The following OTOA variants were observed in gnomAD, a reference collection of about 807,000 sequenced individuals.
OTOA encodes cancer/testis antigen 108.
OTOA carries 70 observed loss-of-function variants against 110.8 expected under a neutral mutation model. The observed-to-expected ratio is 0.63, with a 90% CI of 0.52 to 0.77. OTOA has a LOEUF of 0.77. Among genes scored for constraint, OTOA ranks in the 30% least tolerant of loss-of-function variants. The pLI is 0.00. For missense variants in OTOA, 917 were observed against 1,075.8 expected, an observed-to-expected ratio of 0.85 and a Z score of 2.06; for synonymous variants, 373 against 431.5, an observed-to-expected ratio of 0.86 and a Z score of 1.68.
In OTOA at chr16:21,723,098, G is replaced by A. The variant is rs1330962387; in HGVS notation, c.1880+120G>A. On this transcript the variant is annotated intron_variant, in intron 18 of 28. Coordinates refer to ENST00000646100, the MANE Select transcript of OTOA (RefSeq NM_144672.4). ...AGGAACCAGAGGCAGAGTGGAGGAT[G>A]CCTTAGAGAGTTAAGCCCTTGAGAT... The A allele has an allele frequency of 7.4e-6, 7 of 940,804 alleles. No individual in the cohort carries two copies. The African/African-American group carries it at 9.7e-5, about 13-fold the overall frequency. 58.3% of individuals were successfully genotyped at this position (940,804 alleles called of 1,614,324 possible). A position where few individuals can be genotyped will look rare whatever the true frequency, so the allele number is the denominator to read the frequency against.
intron 22 of OTOA, among the ~76,000 whole-genome samples, chr16:21,736,748 T>G (rs1899314389): frequency 6.6e-6 from 1 of 152,144 alleles, no homozygotes; most frequent in South Asian, 2.1e-4. Context: ...CGAGGATTGC[T>G]TGAACCCAGG....
At chr16:21,708,032 C>G (rs918101195) in intron 12 of OTOA, among the ~76,000 whole-genome samples, 1 of 151,900 alleles carries the variant, frequency 6.6e-6, no homozygotes, top group Non-Finnish European at 1.5e-5. Flanking sequence ...ACCTCGTGAT[C>G]CGCCTGCCAT....
intron 22 of OTOA, among the ~76,000 whole-genome samples, chr16:21,739,008 CTG>C (rs1343856289): frequency 6.6e-6 from 1 of 152,302 alleles, no homozygotes; most frequent in African/African-American, 2.4e-5. Context: ...AGAGCTCTTA[CTG>C]TGTGCATGTG....
At chr16:21,670,119 C>T (rs1304518337) in intron 1 of OTOA, among the ~76,000 whole-genome samples, 1 of 151,400 alleles carries the variant, frequency 6.6e-6, no homozygotes, top group African/African-American at 2.4e-5. Context: ...GAGTGAGACA[C>T]CATCTCAAAC....
chr16:21,724,149 T>C (rs1317084945), intron 18 of OTOA, among the ~76,000 whole-genome samples: 1 of 152,194 alleles, frequency 6.6e-6, no homozygotes, highest in African/African-American at 2.4e-5. Context: ...TTGAATCTGG[T>C]TCTTGAACAG....
intron 17 of OTOA, 71 bp from the exon 18 acceptor site, chr16:21,722,834 G>A: frequency 7.4e-7 from 1 of 1,358,170 alleles, no homozygotes; most frequent in African/African-American, 1.4e-5. Context: ...AATAGTACCT[G>A]GCACATGGAA....
At chr16:21,698,018 T>A in intron 10 of OTOA, 143 bp downstream of exon 10, 1 of 706,082 alleles carries the variant, frequency 1.4e-6, no homozygotes, top group South Asian at 1.6e-5. Flanking sequence ...CTTGGGCCTC[T>A]GAAGAAAACT....
chr16:21,733,495 T>C (rs932143589), intron 21 of OTOA, among the ~76,000 whole-genome samples: 2 of 152,026 alleles, frequency 1.3e-5, no homozygotes, highest in African/African-American at 4.8e-5. Context: ...AGACTGTGAC[T>C]CTAATTCTGA....
At chr16:21,675,698 CT>C (rs2141650301) in intron 1 of OTOA, among the ~76,000 whole-genome samples, 1 of 152,126 alleles carries the variant, frequency 6.6e-6, no homozygotes, top group South Asian at 2.1e-4. Flanking sequence ...GTATTTTTAT[CT>C]CTAGAAGTTC....
chr16:21,694,348 G>T (rs1013424849), intron 9 of OTOA, among the ~76,000 whole-genome samples: 8 of 152,220 alleles, frequency 5.3e-5, no homozygotes, highest in Admixed American at 3.9e-4. Context: ...AGGCTGAGGG[G>T]GGGAGGATCC....
In OTOA at chr16:21,678,914, G is replaced by T. The variant is rs376382794; in HGVS notation, c.92-1G>T. ...TTATACATTCAATGGCTTTCTTACA[G>T]ATTTGCATCCATTGTTGCAAAACAT... is the stretch of plus-strand genomic sequence containing the variant. On this transcript the variant is annotated splice_acceptor_variant, in intron 2 of 28. Transcript: ENST00000646100. LOFTEE classifies it high-confidence loss of function. The T allele has an allele frequency of 8.6e-5, 138 of 1,613,074 alleles. No individual in the cohort carries two copies. The highest frequency in any genetic ancestry group is 1.1e-4 in the Non-Finnish European group (133 of 1,179,914).
intron 1 of OTOA, among the ~76,000 whole-genome samples, chr16:21,665,385 A>T (rs1966838669): frequency 6.6e-6 from 1 of 152,216 alleles, no homozygotes; most frequent in African/African-American, 2.4e-5. Context: ...AGATTCTACA[A>T]GAATTAAGCG....
rs376399301 is a variant in OTOA, at chr16:21,697,762, T to A, written c.740-13T>A. 4 of 1,612,638 alleles carry A rather than the reference T, an allele frequency of 2.5e-6. No individual in the cohort carries two copies. In the African/African-American group the frequency reaches 5.3e-5, roughly 22 times the overall value. On this transcript the variant is annotated splice_polypyrimidine_tract_variant and intron_variant, in intron 9 of 28. Coordinates refer to ENST00000646100, the MANE Select transcript of OTOA (RefSeq NM_144672.4). ...TGTATGTACTCATTTATTCATTTCTTTATTTTTTGTAGATGACTCTGCTTC... is the reference window on the plus strand; with the variant it reads ...TGTATGTACTCATTTATTCATTTCTATATTTTTTGTAGATGACTCTGCTTC...
chr16:21,666,883 T>C (rs1008066925), intron 1 of OTOA, among the ~76,000 whole-genome samples: 2 of 152,142 alleles, frequency 1.3e-5, no homozygotes, highest in Admixed American at 6.6e-5. Flanking sequence ...AAGGACATTA[T>C]GCACAGCAGA....
At chr16:21,702,557 T>C (rs372261009) in intron 11 of OTOA, among the ~76,000 whole-genome samples, 72 of 152,350 alleles carry the variant, frequency 4.7e-4, no homozygotes, top group East Asian at 1.3e-3. Context: ...ATCACCTCTC[T>C]ATACTTCCGC....
chr16:21,759,290 T>A (rs1336727360), intron 28 of OTOA, among the ~76,000 whole-genome samples: 6 of 152,084 alleles, frequency 3.9e-5, no homozygotes, highest in African/African-American at 1.4e-4. Context: ...ATATAGATGA[T>A]CTCTGCACTT....
intron 12 of OTOA, 41 bp downstream of exon 12, chr16:21,705,333 G>A: frequency 6.2e-7 from 1 of 1,612,822 alleles, no homozygotes; most frequent in Non-Finnish European, 8.5e-7. Context: ...CTGCCTCAGT[G>A]TCACTAGCCA....
intron 9 of OTOA, among the ~76,000 whole-genome samples, chr16:21,695,456 A>G (rs1897913849): frequency 6.6e-6 from 1 of 152,070 alleles, no homozygotes; most frequent in African/African-American, 2.4e-5. Flanking sequence ...AAAATAAACA[A>G]CTAAGCTTGG....
Position 21,728,226 on chromosome 16 carries a change from AC to A in OTOA, c.2017-14del. 6.2e-7 allele frequency: 1 copy of A among 1,614,068 alleles called. No individual in the cohort carries two copies. Among genetic ancestry groups the A allele is most frequent in the East Asian group, 2.2e-5 (1 of 44,864 alleles). On this transcript the variant is annotated splice_polypyrimidine_tract_variant and intron_variant, in intron 19 of 28. Coordinates refer to ENST00000646100, the MANE Select transcript of OTOA (RefSeq NM_144672.4). ...TCTGTTGGAACTGCCCATTGGCTCC[AC>A]TTTTTGGGTTCAGGACGACTCCATT...
Sources: gnomAD v4.1 joint callset for allele counts (sites outside exome capture counted in the v4.1 genomes callset) on GRCh38, gnomAD v4.1.1 for gene constraint, MANE v1.5 for transcripts, NCBI Gene and HGNC (gene_info 2026-07-23, HGNC 2026-07-21) for gene names.